Variants in MED12L observed in about 807,000 individuals in gnomAD.
The protein encoded by MED12L is mediator of RNA polymerase II transcription subunit 12-like protein.
In MED12L, 60 loss-of-function variants were observed where a neutral mutation model predicts 281.3. The observed-to-expected ratio is 0.21, with a 90% CI of 0.17 to 0.26. The LOEUF is 0.26. Among genes scored for constraint, MED12L ranks in the 10% least tolerant of loss-of-function variants. MED12L has a pLI of 1.00. For missense variants in MED12L, 2,146 were observed against 2,680.9 expected, an observed-to-expected ratio of 0.80 and a Z score of 4.41; for synonymous variants, 974 against 987.2, an observed-to-expected ratio of 0.99 and a Z score of 0.25.
chr3:151,306,106 A>G (rs1453609690), intron 16 of MED12L, among the ~76,000 whole-genome samples: 1 of 152,126 alleles, frequency 6.6e-6, no homozygotes, highest in Non-Finnish European at 1.5e-5. Flanking sequence ...TTATCATTTA[A>G]TCTTATGTGG....
At chr3:151,362,099 G>C (rs2150084042) in intron 21 of MED12L, among the ~76,000 whole-genome samples, 1 of 152,070 alleles carries the variant, frequency 6.6e-6, no homozygotes, top group Admixed American at 6.6e-5. Flanking sequence ...TGCCTTCCAA[G>C]CATCTCTAGA....
At chr3:151,363,926 A>G (rs955210790) in intron 21 of MED12L, among the ~76,000 whole-genome samples, 2 of 152,178 alleles carry the variant, frequency 1.3e-5, no homozygotes, top group African/African-American at 4.8e-5. Context: ...AGTTTAGAAT[A>G]GAGAGTCTTT....
chr3:151,271,009 C>A (rs1344699621), intron 16 of MED12L, among the ~76,000 whole-genome samples: 1 of 132,214 alleles, frequency 7.6e-6, no homozygotes. Context: ...GTACACATAC[C>A]CAAAAACCAA....
At chr3:151,256,672 G>A (rs143728171) in intron 16 of MED12L, among the ~76,000 whole-genome samples, 273 of 152,242 alleles carry the variant, frequency 1.8e-3, no homozygotes, top group African/African-American at 6.3e-3. Flanking sequence ...TGAGTTTCTC[G>A]TATTTTAAGA....
At chr3:151,096,658 G>C (rs77920247) in intron 2 of MED12L, among the ~76,000 whole-genome samples, 4,757 of 149,496 alleles carry the variant, frequency 0.032, 151 homozygotes, top group East Asian at 0.17. Context: ...TGCTATTTTG[G>C]GGGGGGAAGC....
chr3:151,180,200 G>A (rs183692489), intron 11 of MED12L, among the ~76,000 whole-genome samples: 2 of 152,174 alleles, frequency 1.3e-5, no homozygotes, highest in East Asian at 3.9e-4. Flanking sequence ...TTTAATTTCT[G>A]GGTTTCTTAA....
intron 43 of MED12L, among the ~76,000 whole-genome samples, chr3:151,424,069 C>T (rs1170022980): frequency 1.3e-5 from 2 of 152,176 alleles, no homozygotes; most frequent in Non-Finnish European, 2.9e-5. Flanking sequence ...GATATTTTTT[C>T]AGTCTGCCTC....
intron 43 of MED12L, chr3:151,425,679 T>G (rs1718799772): frequency 2.2e-6 from 1 of 456,550 alleles, no homozygotes. Flanking sequence ...GGGTATTCGG[T>G]CTTGTGGTTA....
intron 16 of MED12L, among the ~76,000 whole-genome samples, chr3:151,309,460 G>A (rs1044245213): frequency 2.0e-5 from 3 of 152,144 alleles, no homozygotes; most frequent in African/African-American, 4.8e-5. Flanking sequence ...TCCTCTGCAG[G>A]TGATGAGGAC....
chr3:151,382,070 C>G (rs985682368), intron 32 of MED12L, among the ~76,000 whole-genome samples: 1 of 152,044 alleles, frequency 6.6e-6, no homozygotes, highest in Non-Finnish European at 1.5e-5. Context: ...CAAATTTTTC[C>G]TTTTCCAGCA....
intron 16 of MED12L, among the ~76,000 whole-genome samples, chr3:151,310,279 A>G (rs1560012702): frequency 6.6e-6 from 1 of 152,232 alleles, no homozygotes; most frequent in Non-Finnish European, 1.5e-5. Flanking sequence ...GGAGGCAGAA[A>G]GGTTTCCATA....
At chr3:151,341,747 T>G in intron 16 of MED12L, among the ~76,000 whole-genome samples, 1 of 141,634 alleles carries the variant, frequency 7.1e-6, no homozygotes, top group African/African-American at 2.6e-5. Flanking sequence ...CCCACAACAG[T>G]CCCCAGAGTG....
chr3:151,231,027 G>A (rs1330733003), intron 16 of MED12L, among the ~76,000 whole-genome samples: 1 of 152,208 alleles, frequency 6.6e-6, no homozygotes, highest in Non-Finnish European at 1.5e-5. Context: ...CACAGAAGCC[G>A]ACTTGAGGGC....
At chr3:151,391,373 C>T (rs1443744395) in intron 38 of MED12L, among the ~76,000 whole-genome samples, 2 of 152,124 alleles carry the variant, frequency 1.3e-5, no homozygotes, top group African/African-American at 2.4e-5. Flanking sequence ...TGCCTGTCTC[C>T]GTTGGGCTTG....
intron 16 of MED12L, among the ~76,000 whole-genome samples, chr3:151,231,966 A>T (rs889811491): frequency 6.6e-6 from 1 of 152,056 alleles, no homozygotes; most frequent in Non-Finnish European, 1.5e-5. Flanking sequence ...TTTTTTGCTG[A>T]TATATGCATG....
At chr3:151,110,376 G>A (rs1173177099) in intron 2 of MED12L, among the ~76,000 whole-genome samples, 1 of 152,148 alleles carries the variant, frequency 6.6e-6, no homozygotes, top group Non-Finnish European at 1.5e-5. Context: ...GGGGTCTAAG[G>A]ACTCCCTGAG....
intron 43 of MED12L, among the ~76,000 whole-genome samples, chr3:151,419,652 G>A (rs561178675): frequency 1.3e-5 from 2 of 152,138 alleles, no homozygotes; most frequent in South Asian, 4.2e-4. Context: ...TTGTCTACTT[G>A]AGCCCATACA....
intron 16 of MED12L, chr3:151,248,990 C>A (rs1736323059): frequency 6.6e-6 from 1 of 152,312 alleles, no homozygotes; most frequent in Admixed American, 6.5e-5. Context: ...GTGGGAAACA[C>A]TGCATTAGCT....
At position 151,085,768 on chromosome 3, in the gene MED12L, C is replaced by G. The variant is rs910096412; in HGVS notation, c.-298C>G. ...GGCGAGCCGGCGTCGCTCGCCGCCC[C>G]CAGACAGTGGCAAACTTCGCGGCGT... On this transcript the variant is annotated 5_prime_UTR_variant, in exon 1 of 45. Coordinates refer to ENST00000687756, the MANE Select transcript of MED12L (RefSeq NM_001393769.1). The G allele has an allele frequency of 5.9e-5, 9 of 152,134 alleles. No individual in the cohort carries two copies. The highest frequency in any genetic ancestry group is 1.0e-4 in the Non-Finnish European group (7 of 67,948). The allele number at this position is 152,134 out of a possible 1,614,324, so 9.4% of individuals were successfully genotyped here. A position where few individuals can be genotyped will look rare whatever the true frequency, so the allele number is the denominator to read the frequency against.
Sources: allele counts gnomAD v4.1 joint callset (sites outside exome capture counted in the v4.1 genomes callset), GRCh38; gene constraint gnomAD v4.1.1; transcripts MANE v1.5; gene names NCBI Gene and HGNC (gene_info 2026-07-23, HGNC 2026-07-21).